The following FAM120A variants were observed in gnomAD, a reference collection of about 807,000 sequenced individuals.
FAM120A encodes the protein family with sequence similarity 120 member A, also known as constitutive coactivator of PPAR-gamma-like protein 1.
In FAM120A, 15 loss-of-function variants were observed where a neutral mutation model predicts 109.7. That is an observed-to-expected ratio of 0.14 (90% CI 0.09 to 0.21). FAM120A has a LOEUF of 0.21. FAM120A is among the 10% of genes least tolerant of loss of function. FAM120A has a pLI of 1.00. For synonymous variants in FAM120A, 493 were observed against 572.8 expected, an observed-to-expected ratio of 0.86 and a Z score of 1.99; for missense variants, 899 against 1,439.3, an observed-to-expected ratio of 0.62 and a Z score of 6.07.
At chr9:93,562,696 G>A (rs1175007478) in intron 17 of FAM120A, among the ~76,000 whole-genome samples, 1 of 132,706 alleles carries the variant, frequency 7.5e-6, no homozygotes, top group Non-Finnish European at 1.5e-5. Flanking sequence ...ATGGAGTCTC[G>A]CTCTATTGCC....
intron 1 of FAM120A, among the ~76,000 whole-genome samples, chr9:93,458,226 C>T (rs539712115): frequency 4.3e-4 from 65 of 151,722 alleles, no homozygotes; most frequent in Non-Finnish European, 7.2e-4. Context: ...GAGCTTGGAC[C>T]GTATAATTAG....
Position 93,451,882 on chromosome 9 carries a change from C to G in FAM120A, c.-34C>G, listed in dbSNP as rs1857239756. On this transcript the variant is annotated 5_prime_UTR_variant, in exon 1 of 18. Transcript: ENST00000277165. ...CACCACCCCCGGCCCCGCCGCCCCC[C>G]GCCCGCACCCGCGCCCGCGCCCCCG... 1 of 1,212,202 alleles carries G rather than the reference C, an allele frequency of 8.2e-7. No homozygotes were observed. The highest frequency in any genetic ancestry group is 1.6e-5 in the African/African-American group (1 of 62,220). The allele number at this position is 1,212,202 out of a possible 1,614,324, so 75.1% of individuals were successfully genotyped here.
At position 93,565,397 on chromosome 9, in the gene FAM120A, C is replaced by T. The variant is rs1862599834; in HGVS notation, c.*857C>T. The T allele has an allele frequency of 6.6e-6, 1 of 152,586 alleles. No homozygotes were observed. The highest frequency in any genetic ancestry group is 2.4e-5 in the African/African-American group (1 of 41,418). 9.5% of individuals were successfully genotyped at this position (152,586 alleles called of 1,614,324 possible). ...GTTAATATGCATGTTATCGTCCTTT[C>T]TTCCATTCTTAACAGTATGTGCCCA... is the stretch of plus-strand genomic sequence containing the variant. On this transcript the variant is annotated 3_prime_UTR_variant, in exon 18 of 18. Transcript: ENST00000277165.
At chr9:93,514,253 C>T (rs1380751896) in intron 5 of FAM120A, among the ~76,000 whole-genome samples, 1 of 152,116 alleles carries the variant, frequency 6.6e-6, no homozygotes, top group African/African-American at 2.4e-5. Flanking sequence ...AGAAACTGCC[C>T]CTATGATCCA....
rs757008799 is a variant in FAM120A at position 93,562,216 on chromosome 9, G to A, written c.2957G>A (p.Arg986Lys). The A allele has an allele frequency of 6.2e-7, 1 of 1,613,864 alleles. No individual in the cohort carries two copies. Among genetic ancestry groups the A allele is most frequent in the East Asian group, 2.2e-5 (1 of 44,886 alleles). The change falls in exon 17 of 18, where the codon AGA (arginine) becomes AAA (lysine). Residue 986 changes from arginine to lysine, a missense_variant. By Grantham distance (26) the Arg-to-Lys change is conservative. This residue lies in a region of FAM120A where 170 missense variants were observed against 205.0 expected (regional missense o/e 0.83). Transcript: ENST00000277165. The part of the protein sequence containing the change: ...SVGGPARGRP[R>K]GVISTPVIRT... Reference sequence around the variant, plus strand: ...CTTTTTCATTCATTTAGGCGTCCAAGAGGAGTTATTTCCACCCCAGTGATT... The same window carrying A: ...CTTTTTCATTCATTTAGGCGTCCAAAAGGAGTTATTTCCACCCCAGTGATT...
intron 7 of FAM120A, among the ~76,000 whole-genome samples, chr9:93,526,833 G>T (rs990935891): frequency 6.6e-6 from 1 of 152,158 alleles, no homozygotes; most frequent in Non-Finnish European, 1.5e-5. Context: ...TTGCTGTGAC[G>T]ATGGAAAGAT....
At chr9:93,477,591 G>C (rs928133881) in intron 3 of FAM120A, among the ~76,000 whole-genome samples, 3 of 152,198 alleles carry the variant, frequency 2.0e-5, no homozygotes, top group Non-Finnish European at 4.4e-5. Context: ...CGTGTAATCA[G>C]CTGGACTTAA....
At chr9:93,494,189 G>A (rs1859468163) in intron 3 of FAM120A, among the ~76,000 whole-genome samples, 1 of 152,176 alleles carries the variant, frequency 6.6e-6, no homozygotes, top group Admixed American at 6.5e-5. Flanking sequence ...GCCCTGCAGA[G>A]AGGCCTCTCG....
intron 16 of FAM120A, 29 bp downstream of exon 16, chr9:93,561,279 T>C: frequency 1.9e-6 from 3 of 1,575,004 alleles, no homozygotes; most frequent in Non-Finnish European, 2.6e-6. Flanking sequence ...AAATGTCTTT[T>C]GTATAAGTAA....
At chr9:93,478,278 G>GTT (rs199498106) in intron 3 of FAM120A, among the ~76,000 whole-genome samples, 11 of 148,724 alleles carry the variant, frequency 7.4e-5, no homozygotes, top group African/African-American at 2.8e-4. Context: ...GTCATTTATA[G>GTT]GTTTTTTTTT....
chr9:93,546,762 C>T (rs982620584), intron 11 of FAM120A, among the ~76,000 whole-genome samples: 4 of 152,214 alleles, frequency 2.6e-5, no homozygotes, highest in African/African-American at 7.2e-5. Context: ...CTCCAATAAC[C>T]TTCTCTTTAC....
Position 93,564,355 on chromosome 9 carries a change from G to A in FAM120A, c.3172G>A (p.Glu1058Lys). 1 of 1,614,212 alleles carries A rather than the reference G, an allele frequency of 6.2e-7. No individual in the cohort carries two copies. The highest frequency in any genetic ancestry group is 8.5e-7 in the Non-Finnish European group (1 of 1,180,042). Residue 1058 changes from glutamate (E) to lysine (K), a missense_variant, in exon 18 of 18, where the codon GAG becomes AAG. By Grantham distance (56) the Glu-to-Lys change is moderately conservative. This residue lies in a region of FAM120A where 170 missense variants were observed against 205.0 expected (regional missense o/e 0.83). Coordinates refer to ENST00000277165, the MANE Select transcript of FAM120A (RefSeq NM_014612.5). The stretch of plus-strand genomic sequence containing the variant: ...GGCTGAAAACGGAGTGATGGCCGAG[G>A]AGAAGCCGGCTCCCCAGATGAACGG... The part of the protein sequence containing the change: ...SLAENGVMAE[E>K]KPAPQMNGST...
chr9:93,474,056 TGTTA>T (rs1391690500), intron 2 of FAM120A, among the ~76,000 whole-genome samples: 3 of 147,050 alleles, frequency 2.0e-5, no homozygotes, highest in African/African-American at 7.7e-5. Flanking sequence ...TTTTCTAGCT[TGTTA>T]GTTTGTGAAG....
intron 3 of FAM120A, among the ~76,000 whole-genome samples, chr9:93,491,389 C>T (rs1859312427): frequency 6.6e-6 from 1 of 152,190 alleles, no homozygotes; most frequent in Admixed American, 6.5e-5. Flanking sequence ...TGGCATTCTG[C>T]ATTCAGCTAT....
chr9:93,472,942 T>G (rs955234912), intron 2 of FAM120A, among the ~76,000 whole-genome samples: 1 of 152,130 alleles, frequency 6.6e-6, no homozygotes. Context: ...AGATTAACTT[T>G]AAAAGATCAG....
intron 3 of FAM120A, among the ~76,000 whole-genome samples, chr9:93,481,781 G>C (rs1858818784): frequency 6.6e-6 from 1 of 152,130 alleles, no homozygotes; most frequent in South Asian, 2.1e-4. Context: ...GCAGTTCCCA[G>C]TCTTTTTGAA....
At chr9:93,515,148 A>G (rs1021739036) in intron 5 of FAM120A, among the ~76,000 whole-genome samples, 17 of 152,258 alleles carry the variant, frequency 1.1e-4, no homozygotes, top group African/African-American at 3.6e-4. Flanking sequence ...AATTCCTTTT[A>G]TATTTAAAAA....
chr9:93,527,810 A>C (rs1163587310), intron 8 of FAM120A, among the ~76,000 whole-genome samples: 1 of 151,156 alleles, frequency 6.6e-6, no homozygotes, highest in Admixed American at 6.6e-5. Flanking sequence ...TTTAGTAGAG[A>C]CGGGGTGTCG....
intron 10 of FAM120A, among the ~76,000 whole-genome samples, chr9:93,540,951 G>A (rs756681313): frequency 1.3e-5 from 2 of 152,114 alleles, no homozygotes; most frequent in East Asian, 3.9e-4. Flanking sequence ...AAATGAAAAA[G>A]TTAAAGGCCA....
Sources: gnomAD v4.1 joint callset for allele counts (sites outside exome capture counted in the v4.1 genomes callset) on GRCh38, gnomAD v4.1.1 for gene constraint, gnomAD v4.1.1 regional missense constraint, MANE v1.5 for transcripts, NCBI Gene and HGNC (gene_info 2026-07-23, HGNC 2026-07-21) for gene names.